Variants in MOSMO observed in about 807,000 individuals in gnomAD.
MOSMO encodes the protein modulator of smoothened protein.
Under a neutral mutation model 18.4 loss-of-function variants are expected in MOSMO, and 5 were observed. The observed-to-expected ratio is 0.27, with a 90% CI of 0.14 to 0.57. MOSMO has a LOEUF of 0.57. MOSMO is among the 20% of genes least tolerant of loss of function. MOSMO has a pLI of 0.92. For missense variants in MOSMO, 138 were observed against 211.8 expected (o/e 0.65, Z 2.16); for synonymous variants, 82 against 82.3 (o/e 1.00, Z 0.02).
chr16:22,027,961 G>C (rs1451760513), intron 1 of MOSMO, among the ~76,000 whole-genome samples: 1 of 152,022 alleles, frequency 6.6e-6, no homozygotes, highest in Non-Finnish European at 1.5e-5. Context: ...AGAACATCTG[G>C]ATACAGTTTT....
chr16:22,071,005 A>G (rs1053867249), intron 1 of MOSMO, among the ~76,000 whole-genome samples: 1 of 152,224 alleles, frequency 6.6e-6, no homozygotes, highest in African/African-American at 2.4e-5. Context: ...CAATTGGGAT[A>G]CTACCCCTCG....
At position 22,008,150 on chromosome 16, in the gene MOSMO, G is replaced by C. The variant is rs1899425849; in HGVS notation, c.-152G>C. The C allele has an allele frequency of 1.3e-5, 2 of 158,922 alleles. No individual in the cohort carries two copies. Among genetic ancestry groups the C allele is most frequent in the Non-Finnish European group, 2.6e-5 (2 of 76,582 alleles). 9.8% of individuals were successfully genotyped at this position (158,922 alleles called of 1,614,324 possible). A position where few individuals can be genotyped will look rare whatever the true frequency, so the allele number is the denominator to read the frequency against. On this transcript the variant is annotated 5_prime_UTR_variant, in exon 1 of 3. Coordinates refer to ENST00000542527, the MANE Select transcript of MOSMO (RefSeq NM_001164579.2). ...GGGCCGCGCCGCGGCTGCTGGTCCC[G>C]GGCGCGCGGAGGGCGCGAGCGGCGC...
intron 1 of MOSMO, among the ~76,000 whole-genome samples, chr16:22,042,040 T>C (rs1309100849): frequency 2.0e-5 from 3 of 152,176 alleles, no homozygotes; most frequent in Non-Finnish European, 4.4e-5. Flanking sequence ...TTTTGAGATG[T>C]TCGGAACTGA....
intron 1 of MOSMO, among the ~76,000 whole-genome samples, chr16:22,027,675 T>G (rs986922600): frequency 1.3e-5 from 2 of 152,172 alleles, no homozygotes; most frequent in Non-Finnish European, 2.9e-5. Flanking sequence ...AATCTCAAGG[T>G]TTTGAAGTAG....
intron 1 of MOSMO, among the ~76,000 whole-genome samples, chr16:22,030,928 T>A (rs1278192057): frequency 6.6e-6 from 1 of 152,204 alleles, no homozygotes; most frequent in Non-Finnish European, 1.5e-5. Context: ...TTGAAAAGTA[T>A]GTTTTACCTT....
At chr16:22,013,792 C>T (rs1438885000) in intron 1 of MOSMO, among the ~76,000 whole-genome samples, 1 of 150,942 alleles carries the variant, frequency 6.6e-6, no homozygotes, top group African/African-American at 2.4e-5. Flanking sequence ...TATAGTTTGT[C>T]ATAACGAAGT....
intron 1 of MOSMO, among the ~76,000 whole-genome samples, chr16:22,046,964 T>C (rs545843551): frequency 6.6e-6 from 1 of 152,270 alleles, no homozygotes; most frequent in South Asian, 2.1e-4. Context: ...TATTAATGCA[T>C]TCTACATTTT....
chr16:22,071,232 C>G (rs549619305), intron 1 of MOSMO, among the ~76,000 whole-genome samples: 8 of 152,040 alleles, frequency 5.3e-5, no homozygotes, highest in Admixed American at 1.3e-4. Flanking sequence ...GGGAGAGCCC[C>G]GTGAGAGGAG....
In MOSMO at chr16:22,077,793, A is replaced by G. The variant is rs781438768; in HGVS notation, c.319+2094A>G. On this transcript the variant is annotated intron_variant, in intron 2 of 2. Transcript: ENST00000542527. ...AGGCTTCTGAGAACCTCCCTGGTGCATGAGGACCTTGAGGGTGAGGATAAG... is the reference window on the plus strand; with the variant it reads ...AGGCTTCTGAGAACCTCCCTGGTGCGTGAGGACCTTGAGGGTGAGGATAAG... 1.3e-3 allele frequency among the ~76,000 whole-genome samples: 201 copies of G among 152,130 alleles called. 10 individuals carry two copies. Among genetic ancestry groups the G allele is most frequent in the Non-Finnish European group, 9.4e-4 (64 of 67,982 alleles).
intron 1 of MOSMO, among the ~76,000 whole-genome samples, chr16:22,021,042 T>G (rs1193489780): frequency 6.6e-6 from 1 of 151,716 alleles, no homozygotes; most frequent in African/African-American, 2.4e-5. Flanking sequence ...GCATATGATA[T>G]GTGTAGTTTG....
chr16:22,074,471 A>G (rs1248158870), intron 1 of MOSMO, among the ~76,000 whole-genome samples: 1 of 152,200 alleles, frequency 6.6e-6, no homozygotes, highest in South Asian at 2.1e-4. Flanking sequence ...TAATAGCTCC[A>G]GAAATTTCCA....
intron 1 of MOSMO, among the ~76,000 whole-genome samples, chr16:22,061,179 T>C (rs1042485730): frequency 1.3e-5 from 2 of 152,204 alleles, no homozygotes; most frequent in Non-Finnish European, 2.9e-5. Context: ...GAACTTTTTA[T>C]GGTGATGCAC....
chr16:22,015,776 A>G (rs1899624331), intron 1 of MOSMO, among the ~76,000 whole-genome samples: 1 of 152,146 alleles, frequency 6.6e-6, no homozygotes, highest in South Asian at 2.1e-4. Flanking sequence ...CTCTTTTATC[A>G]TTACCAACAG....
rs72784930 is a variant in MOSMO, at chr16:22,058,220, G to A, written c.107-17267G>A. On this transcript the variant is annotated intron_variant, in intron 1 of 2. Coordinates refer to ENST00000542527, the MANE Select transcript of MOSMO (RefSeq NM_001164579.2). Reference sequence around the variant, plus strand: ...AGGCGGGTAGATCACAAGGTCAGGCGTTTAGGACCAGCCTAGCCAACATGG... The same window carrying A: ...AGGCGGGTAGATCACAAGGTCAGGCATTTAGGACCAGCCTAGCCAACATGG... 7.8e-3 allele frequency among the ~76,000 whole-genome samples: 1,190 copies of A among 152,210 alleles called. 5 individuals are homozygous for A. Among genetic ancestry groups the A allele is most frequent in the Non-Finnish European group, 0.012 (816 of 67,994 alleles).
intron 1 of MOSMO, among the ~76,000 whole-genome samples, chr16:22,052,784 CTG>C (rs1157066386): frequency 2.0e-5 from 3 of 151,848 alleles, no homozygotes; most frequent in Admixed American, 1.3e-4. Context: ...ATTCATTAAA[CTG>C]TATGAAACAT....
Position 22,082,653 on chromosome 16 carries a change from C to T in MOSMO, c.*1773C>T, listed in dbSNP as rs147556437. On this transcript the variant is annotated 3_prime_UTR_variant, in exon 3 of 3. Transcript: ENST00000542527. ...ATTACTTCAAAGATGGGAGCTACCT[C>T]CTCAGATATTCACACTATGAAATGG... 6.6e-6 allele frequency: 1 copy of T among 152,310 alleles called. No individual in the cohort carries two copies. Among genetic ancestry groups the T allele is most frequent in the African/African-American group, 2.4e-5 (1 of 41,566 alleles). 9.4% of individuals were successfully genotyped at this position (152,310 alleles called of 1,614,324 possible).
Position 22,040,672 on chromosome 16 carries a change from A to T in MOSMO, c.106+32265A>T, listed in dbSNP as rs1900193506. Among the ~76,000 whole-genome samples the T allele has an allele frequency of 2.0e-5, 3 of 152,232 alleles. No homozygotes were observed. The South Asian group carries it at 6.2e-4, about 31-fold the overall frequency. On this transcript the variant is annotated intron_variant, in intron 1 of 2. Transcript: ENST00000542527. ...GAAGGTTACATGTAAGATACATTAT[A>T]TGTTTAAAGAAGCAATAGAACATCT... is the stretch of plus-strand genomic sequence containing the variant.
chr16:22,052,436 TG>T (rs1900445860), intron 1 of MOSMO, among the ~76,000 whole-genome samples: 1 of 152,208 alleles, frequency 6.6e-6, no homozygotes, highest in Non-Finnish European at 1.5e-5. Context: ...ATAACCCCTT[TG>T]GAAAACAATT....
chr16:22,066,833 TA>T (rs1322510496), intron 1 of MOSMO, among the ~76,000 whole-genome samples: 1 of 152,258 alleles, frequency 6.6e-6, no homozygotes, highest in Non-Finnish European at 1.5e-5. Context: ...AGTTTTCAAC[TA>T]AAAATTACAA....
Sources: allele counts gnomAD v4.1 joint callset (sites outside exome capture counted in the v4.1 genomes callset), GRCh38; gene constraint gnomAD v4.1.1; transcripts MANE v1.5; gene names NCBI Gene and HGNC (gene_info 2026-07-23, HGNC 2026-07-21).